Variants in MLC1 observed in about 807,000 individuals in gnomAD.
The protein encoded by MLC1 is membrane protein MLC1.
Under a neutral mutation model 44.7 loss-of-function variants are expected in MLC1, and 32 were observed. The ratio of observed to expected loss-of-function variants is 0.72; its 90% CI spans 0.54 to 0.96. The LOEUF is 0.96. MLC1 is among the 40% of genes least tolerant of loss of function. The probability of loss-of-function intolerance (pLI) is 0.00; values close to 1 mark genes in which losing one functional copy is unlikely to be tolerated. For missense variants in MLC1, 459 were observed against 492.2 expected (o/e 0.93, Z 0.64); for synonymous variants, 190 against 213.0 (o/e 0.89, Z 0.94).
chr22:50,066,746 G>A (rs2061710864), intron 10 of MLC1, among the ~76,000 whole-genome samples: 1 of 152,014 alleles, frequency 6.6e-6, no homozygotes, highest in Non-Finnish European at 1.5e-5. Context: ...TCATCTGGTT[G>A]CCCATAAGAG....
At chr22:50,072,043 G>A (rs1360826669) in intron 8 of MLC1, among the ~76,000 whole-genome samples, 3 of 152,232 alleles carry the variant, frequency 2.0e-5, no homozygotes, top group Non-Finnish European at 2.9e-5. Flanking sequence ...CAGGGAGGCT[G>A]AGGTGTCAAT....
intron 11 of MLC1, among the ~76,000 whole-genome samples, chr22:50,062,507 G>A (rs1452103268): frequency 3.9e-5 from 6 of 152,248 alleles, no homozygotes; most frequent in Non-Finnish European, 8.8e-5. Context: ...AGCAACTGAG[G>A]AGGCAGGTTA....
intron 8 of MLC1, among the ~76,000 whole-genome samples, chr22:50,071,933 C>T (rs570308102): frequency 5.7e-4 from 87 of 152,210 alleles, no homozygotes; most frequent in African/African-American, 2.0e-3. Flanking sequence ...GAGATGGGCT[C>T]CGAGCAGGGG....
chr22:50,068,594 C>A, intron 9 of MLC1, 39 bp from the exon 10 acceptor site: 4 of 1,556,224 alleles, frequency 2.6e-6, no homozygotes, highest in Non-Finnish European at 3.5e-6. Context: ...ACGGCCGGAG[C>A]CTGGGAGCCC....
At chr22:50,069,528 C>T in intron 9 of MLC1, among the ~76,000 whole-genome samples, 1 of 151,880 alleles carries the variant, frequency 6.6e-6, no homozygotes, top group East Asian at 2.0e-4. Context: ...TGCCTGTAGT[C>T]CCAGCTACTT....
Position 50,076,896 on chromosome 22 carries a change from C to T in MLC1, c.542G>A (p.Ser181Asn). The change falls in exon 7 of 12, where the codon AGC (serine) becomes AAC (asparagine). Residue 181 changes from serine (S) to asparagine (N), a missense_variant. Coordinates refer to ENST00000311597, the MANE Select transcript of MLC1 (RefSeq NM_015166.4). ...CKKKKGSMSD[S>N]ANILDEVPFP... ...TGGCACTTCGTCCAGAATGTTGGCG[C>T]TGTCAGACATGGAGCCCTACGAAGA... 2 of 1,613,964 alleles carry T rather than the reference C, an allele frequency of 1.2e-6. No homozygotes were observed. The highest frequency in any genetic ancestry group is 1.7e-6 in the Non-Finnish European group (2 of 1,179,856).
chr22:50,063,409 G>A (rs1404865070), intron 11 of MLC1, among the ~76,000 whole-genome samples: 2 of 149,306 alleles, frequency 1.3e-5, no homozygotes, highest in Non-Finnish European at 3.0e-5. Context: ...GGAGGCGGAG[G>A]TTGTGGTGAG....
chr22:50,062,139 A>C (rs1407127080), intron 11 of MLC1, among the ~76,000 whole-genome samples: 6 of 124,782 alleles, frequency 4.8e-5, no homozygotes, highest in African/African-American at 9.2e-5. Context: ...AGCCCCAGCC[A>C]CCCACCCTGA....
Position 50,083,258 on chromosome 22 carries a change from T to C in MLC1, c.178-85A>G. 8.1e-7 allele frequency: 1 copy of C among 1,234,636 alleles called. No homozygotes were observed. Among genetic ancestry groups the C allele is most frequent in the Admixed American group, 1.8e-5 (1 of 56,616 alleles). The allele number at this position is 1,234,636 out of a possible 1,614,324, so 76.5% of individuals were successfully genotyped here. A position where few individuals can be genotyped will look rare whatever the true frequency, so the allele number is the denominator to read the frequency against. Reference sequence around the variant, plus strand: ...ACCCTTCAACTTCTGCTTCACTGTCTGTGTATTGGTGACTCACCCACGTCC... The same window carrying C: ...ACCCTTCAACTTCTGCTTCACTGTCCGTGTATTGGTGACTCACCCACGTCC... On this transcript the variant is annotated intron_variant, in intron 2 of 11. Coordinates refer to ENST00000311597, the MANE Select transcript of MLC1 (RefSeq NM_015166.4). This position sits in a 1 kb window ranked among gnomAD's most constrained non-coding sequence, Gnocchi z 4.6.
At chr22:50,074,615 T>C (rs2061935082) in intron 7 of MLC1, 1 of 440,114 alleles carries the variant, frequency 2.3e-6, no homozygotes, top group African/African-American at 2.0e-5. Flanking sequence ...GACCTGACAG[T>C]GGTGAGGGCA....
intron 6 of MLC1, 39 bp from the exon 7 acceptor site, chr22:50,076,951 A>T (rs1602036449): frequency 6.2e-7 from 1 of 1,611,014 alleles, no homozygotes; most frequent in East Asian, 2.2e-5. Flanking sequence ...GTGCACGGGC[A>T]CAGGGACTCA....
At position 50,081,029 on chromosome 22, in the gene MLC1, G is replaced by GAAAGAAAGAA. The variant is rs1555968032; in HGVS notation, c.268-642_268-633dup. Among the ~76,000 whole-genome samples, 23 of 146,068 alleles carry GAAAGAAAGAA rather than the reference G, an allele frequency of 1.6e-4. No homozygotes were observed. The East Asian group carries it at 3.3e-3, about 21-fold the overall frequency. ...TCAAAAAAAGAAAGAAAGAAAGAAA[G>GAAAGAAAGAA]AAAGAAAGAAAGAAAGAAAGAAAGA... On this transcript the variant is annotated intron_variant, in intron 3 of 11. Transcript: ENST00000311597.
At chr22:50,064,550 C>T (rs991801029) in intron 10 of MLC1, among the ~76,000 whole-genome samples, 4 of 152,152 alleles carry the variant, frequency 2.6e-5, no homozygotes, top group South Asian at 2.1e-4. Context: ...AGAATGTCCG[C>T]GGGAGGCAGA....
chr22:50,068,131 C>T (rs1431419077), intron 10 of MLC1, among the ~76,000 whole-genome samples: 5 of 152,164 alleles, frequency 3.3e-5, no homozygotes, highest in Non-Finnish European at 7.3e-5. Flanking sequence ...GATGCAAATC[C>T]GAAAAGCATG....
Position 50,064,121 on chromosome 22 carries a change from G to T in MLC1, c.972C>A (p.Ile324=). 6.2e-7 allele frequency: 1 copy of T among 1,609,448 alleles called. No homozygotes were observed. ...CACTGACCTTGAAGCGCACGCACTG[G>T]ATGGCGGTGCCCGTGTTGAGGCCGG... ...LQAGLNTGTA[I]QCVRFKVSAR... is the part of the protein sequence containing the mutation. The change falls in exon 11 of 12, where the codon ATC becomes ATA. Residue 324 remains isoleucine (I), a synonymous_variant. Coordinates refer to ENST00000311597, the MANE Select transcript of MLC1 (RefSeq NM_015166.4).
At position 50,061,263 on chromosome 22, in the gene MLC1, T is replaced by A. The variant is rs2061554303; in HGVS notation, c.*320A>T. On this transcript the variant is annotated 3_prime_UTR_variant, in exon 12 of 12. Coordinates refer to ENST00000311597, the MANE Select transcript of MLC1 (RefSeq NM_015166.4). ...CCATGAGAGAGGCAGGAAGAGGAGC[T>A]GGGGCCAGTTCAGGGGTGGGGCTCT... 2.3e-6 allele frequency: 1 copy of A among 436,410 alleles called. No individual in the cohort carries two copies. The highest frequency in any genetic ancestry group is 3.5e-5 in the Admixed American group (1 of 28,814). 27.0% of individuals were successfully genotyped at this position (436,410 alleles called of 1,614,324 possible). A position where few individuals can be genotyped will look rare whatever the true frequency, so the allele number is the denominator to read the frequency against.
rs1555968038 is a variant in MLC1 at position 50,081,033 on chromosome 22, G to GAAAGAA, written c.268-642_268-637dup. On this transcript the variant is annotated intron_variant, in intron 3 of 11. Transcript: ENST00000311597. The stretch of plus-strand genomic sequence containing the variant: ...AAAAAGAAAGAAAGAAAGAAAGAAA[G>GAAAGAA]AAAGAAAGAAAGAAAGAAAGAAAGA... 1.8e-3 allele frequency among the ~76,000 whole-genome samples: 257 copies of GAAAGAA among 146,288 alleles called. 1 individual carries two copies. Among genetic ancestry groups the GAAAGAA allele is most frequent in the Middle Eastern group, 7.0e-3 (2 of 286 alleles).
chr22:50,062,653 C>A (rs1326625940), intron 11 of MLC1, among the ~76,000 whole-genome samples: 1 of 152,238 alleles, frequency 6.6e-6, no homozygotes, highest in Non-Finnish European at 1.5e-5. Flanking sequence ...CGGTGGTGTG[C>A]TGAACACAGG....
rs1425784992 is a variant in MLC1, at chr22:50,083,100, C to T, written c.251G>A (p.Arg84His). ...NVFPAEMDYL[R>H]CAAGSCIPSA... ...GCTGCTTACAGAGCCTGCAGCACAG[C>T]GCAAGTAATCCATCTCAGCCGGGAA... The change falls in exon 3 of 12, where the codon CGC becomes CAC. Residue 84 changes from arginine to histidine, a missense_variant. Physicochemically the swap from Arg to His is conservative, Grantham distance 29. Transcript: ENST00000311597. This position sits in a 1 kb window ranked among gnomAD's most constrained non-coding sequence, Gnocchi z 4.6. 9 of 1,613,926 alleles carry T rather than the reference C, an allele frequency of 5.6e-6. No homozygotes were observed. Among genetic ancestry groups the T allele is most frequent in the Non-Finnish European group, 6.8e-6 (8 of 1,180,022 alleles).
Sources: allele counts gnomAD v4.1 joint callset (sites outside exome capture counted in the v4.1 genomes callset), GRCh38; gene constraint gnomAD v4.1.1; non-coding constraint Gnocchi (gnomAD v3.1); transcripts MANE v1.5; gene names NCBI Gene and HGNC (gene_info 2026-07-23, HGNC 2026-07-21).